NEK1: variants seen among roughly 807,000 people sequenced by gnomAD.
The protein encoded by NEK1 is serine/threonine-protein kinase Nek1.
NEK1 carries 137 observed loss-of-function variants against 182.1 expected under a neutral mutation model. The ratio of observed to expected loss-of-function variants is 0.75; its 90% confidence interval spans 0.65 to 0.87. NEK1 has a LOEUF of 0.87. Among genes scored for constraint, NEK1 ranks in the 40% least tolerant of loss-of-function variants. The probability of loss-of-function intolerance (pLI) is 0.00; values close to 1 mark genes in which losing one functional copy is unlikely to be tolerated. For synonymous variants in NEK1, 513 were observed against 492.2 expected (o/e 1.04, Z -0.56); for missense variants, 1,391 against 1,494.4 (o/e 0.93, Z 1.14).
At chr4:169,437,049 G>C (rs1738545175) in intron 28 of NEK1, among the ~76,000 whole-genome samples, 1 of 152,166 alleles carries the variant, frequency 6.6e-6, no homozygotes, top group South Asian at 2.1e-4. Flanking sequence ...AAGAGCCCTT[G>C]AGCACACCAA....
intron 18 of NEK1, among the ~76,000 whole-genome samples, chr4:169,541,809 C>T (rs1759470191): frequency 6.6e-6 from 1 of 152,138 alleles, no homozygotes; most frequent in African/African-American, 2.4e-5. Context: ...TAGCCCATGA[C>T]ACACTGTCAT....
At chr4:169,553,043 T>C (rs1580715873) in intron 18 of NEK1, among the ~76,000 whole-genome samples, 1 of 152,194 alleles carries the variant, frequency 6.6e-6, no homozygotes, top group South Asian at 2.1e-4. Context: ...AATCCCAGCA[T>C]GTTAGTCTTT....
chr4:169,523,718 G>A (rs1053326199), intron 19 of NEK1, among the ~76,000 whole-genome samples: 5 of 152,192 alleles, frequency 3.3e-5, no homozygotes, highest in African/African-American at 1.2e-4. Flanking sequence ...TTAACACGAT[G>A]CCTGGCATAA....
At chr4:169,593,950 C>T (rs1219386344) in intron 5 of NEK1, among the ~76,000 whole-genome samples, 6 of 150,380 alleles carry the variant, frequency 4.0e-5, no homozygotes, top group Admixed American at 4.0e-4. Flanking sequence ...GATCGCACCA[C>T]TGCACTCCTG....
At chr4:169,467,888 T>C (rs565785417) in intron 26 of NEK1, among the ~76,000 whole-genome samples, 2 of 152,100 alleles carry the variant, frequency 1.3e-5, no homozygotes, top group Non-Finnish European at 2.9e-5. Context: ...GTAAATGATC[T>C]AAACATACCA....
intron 18 of NEK1, among the ~76,000 whole-genome samples, chr4:169,543,364 T>C (rs982484193): frequency 1.3e-5 from 2 of 152,192 alleles, no homozygotes; most frequent in African/African-American, 4.8e-5. Context: ...TTGGTACCAG[T>C]ACCATGCTGT....
At chr4:169,405,814 T>A (rs1347495687) in intron 32 of NEK1, among the ~76,000 whole-genome samples, 3 of 150,778 alleles carry the variant, frequency 2.0e-5, no homozygotes, top group East Asian at 2.1e-4. Flanking sequence ...ATTAAAAAAA[T>A]TTTTTTTGGC....
chr4:169,495,239 CTTTTTTT>C (rs774183115), intron 23 of NEK1, among the ~76,000 whole-genome samples: 17 of 105,444 alleles, frequency 1.6e-4, no homozygotes, highest in South Asian at 4.2e-4. Context: ...ACATTTAAGT[CTTTTTTT>C]TTTTTTTTTT....
At chr4:169,431,435 AAATAAAAAACCTG>A (rs1305111449) in intron 29 of NEK1, among the ~76,000 whole-genome samples, 4 of 152,156 alleles carry the variant, frequency 2.6e-5, no homozygotes, top group African/African-American at 9.6e-5. Context: ...TAGAAAACCT[AAATAAAAAACCTG>A]ATAACCGATA....
chr4:169,602,867 G>GA (rs1321730020), intron 2 of NEK1, among the ~76,000 whole-genome samples, 189 bp from the exon 3 acceptor site: 1 of 151,790 alleles, frequency 6.6e-6, no homozygotes, highest in Non-Finnish European at 1.5e-5. Flanking sequence ...CCAAAAAAGA[G>GA]AAAAAAATGT....
intron 19 of NEK1, among the ~76,000 whole-genome samples, chr4:169,510,840 T>C (rs1170720097): frequency 6.6e-6 from 1 of 152,116 alleles, no homozygotes; most frequent in Non-Finnish European, 1.5e-5. Context: ...TTAAGATGGG[T>C]AACTCTACTC....
intron 26 of NEK1, among the ~76,000 whole-genome samples, chr4:169,463,952 A>T (rs1024480175): frequency 1.3e-5 from 2 of 152,158 alleles, no homozygotes; most frequent in African/African-American, 4.8e-5. Context: ...TTTTACATCC[A>T]TCTTATACAC....
intron 23 of NEK1, among the ~76,000 whole-genome samples, chr4:169,503,971 T>A (rs1752816876): frequency 6.6e-6 from 1 of 152,108 alleles, no homozygotes; most frequent in Non-Finnish European, 1.5e-5. Context: ...ATCCGCAAAC[T>A]ACCCATCTGA....
At chr4:169,554,131 A>C (rs1761808884) in intron 18 of NEK1, 1 of 152,278 alleles carries the variant, frequency 6.6e-6, no homozygotes, top group South Asian at 2.1e-4. Flanking sequence ...TAGTACATCC[A>C]TTCTGGCTGG....
At chr4:169,514,432 G>C (rs143190181) in intron 19 of NEK1, among the ~76,000 whole-genome samples, 2 of 152,196 alleles carry the variant, frequency 1.3e-5, no homozygotes, top group Admixed American at 1.3e-4. Flanking sequence ...ACAGATTGTA[G>C]TGTTGTATCA....
chr4:169,490,232 G>T (rs1749806707), intron 23 of NEK1, among the ~76,000 whole-genome samples: 1 of 152,018 alleles, frequency 6.6e-6, no homozygotes, highest in Non-Finnish European at 1.5e-5. Flanking sequence ...GTGCCTACCT[G>T]GAACCAGAGG....
Position 169,609,384 on chromosome 4 carries a change from C to T in NEK1, c.-49+2636G>A, listed in dbSNP as rs566240679. On this transcript the variant is annotated intron_variant, in intron 2 of 35. Coordinates refer to ENST00000507142, the MANE Select transcript of NEK1 (RefSeq NM_001199397.3). ...ACAAATATTTCCAAATGTAGGAAAA[C>T]AAAGTATCTACAAAGTTATCCTCTG... 8.5e-5 allele frequency among the ~76,000 whole-genome samples: 13 copies of T among 152,254 alleles called. No individual in the cohort carries two copies. The South Asian group carries it at 2.7e-3, about 32-fold the overall frequency.
chr4:169,459,236 C>T (rs1434891851), intron 27 of NEK1, among the ~76,000 whole-genome samples: 1 of 152,116 alleles, frequency 6.6e-6, no homozygotes, highest in Non-Finnish European at 1.5e-5. Context: ...AGGCAACTCA[C>T]TAAGGTATAC....
chr4:169,416,389 C>T (rs1484676968), intron 31 of NEK1, among the ~76,000 whole-genome samples: 1 of 152,192 alleles, frequency 6.6e-6, no homozygotes, highest in African/African-American at 2.4e-5. Context: ...CCTTCTCAAA[C>T]CGTGTGGTAG....
Sources: gnomAD v4.1 joint callset for allele counts (sites outside exome capture counted in the v4.1 genomes callset) on GRCh38, gnomAD v4.1.1 for gene constraint, MANE v1.5 for transcripts, NCBI Gene and HGNC (gene_info 2026-07-23, HGNC 2026-07-21) for gene names.